Variants in GAB1 observed in about 807,000 individuals in gnomAD.
GAB1 encodes GRB2-associated-binding protein 1.
Under a neutral mutation model 66.5 loss-of-function variants are expected in GAB1, and 19 were observed. That is an observed-to-expected ratio of 0.29 (90% CI 0.20 to 0.42). The LOEUF is 0.42. Ranked by LOEUF, GAB1 falls within the 10% of genes least tolerant of loss-of-function variation. GAB1 has a pLI of 1.00. For missense variants in GAB1, 732 were observed against 858.5 expected, an observed-to-expected ratio of 0.85 and a Z score of 1.84; for synonymous variants, 294 against 301.4, an observed-to-expected ratio of 0.98 and a Z score of 0.25.
At chr4:143,448,902 T>C (rs1221037271) in intron 6 of GAB1, among the ~76,000 whole-genome samples, 1 of 151,834 alleles carries the variant, frequency 6.6e-6, no homozygotes, top group African/African-American at 2.4e-5. Flanking sequence ...TTTTGGATCT[T>C]TCCTGCTTTC....
chr4:143,421,846 A>AT, intron 2 of GAB1, among the ~76,000 whole-genome samples: 1 of 152,052 alleles, frequency 6.6e-6, no homozygotes, highest in Admixed American at 6.5e-5. Context: ...GAATTATGGC[A>AT]TTTGTCAGCA....
chr4:143,367,753 C>T (rs1729950677), intron 1 of GAB1, among the ~76,000 whole-genome samples: 1 of 113,796 alleles, frequency 8.8e-6, no homozygotes, highest in Non-Finnish European at 1.7e-5. Flanking sequence ...GAGACAGAGT[C>T]TTGCTGTGTT....
chr4:143,373,868 A>AT lies in GAB1; in HGVS notation c.72+36608_72+36609insT, dbSNP rs1560725949. Among the ~76,000 whole-genome samples the AT allele has an allele frequency of 5.3e-3, 495 of 93,678 alleles. 54 individuals are homozygous for AT. The highest frequency in any genetic ancestry group is 7.5e-3 in the Non-Finnish European group (356 of 47,302). The allele number at this position is 93,678 out of a possible 152,430, so 61.5% of individuals were successfully genotyped here. A position where few individuals can be genotyped will look rare whatever the true frequency, so the allele number is the denominator to read the frequency against. On this transcript the variant is annotated intron_variant, in intron 1 of 9. Coordinates refer to ENST00000262994, the MANE Select transcript of GAB1 (RefSeq NM_002039.4). The stretch of plus-strand genomic sequence containing the variant: ...CTCTCTCTCTCTCTGTAAATAAATA[A>AT]ATATATATATATATATATTTTTACC...
intron 8 of GAB1, among the ~76,000 whole-genome samples, chr4:143,461,710 C>T (rs755174463): frequency 5.3e-5 from 8 of 152,062 alleles, no homozygotes; most frequent in Non-Finnish European, 1.2e-4. Context: ...ACAATCAGAC[C>T]ATATCTTCCA....
At chr4:143,352,312 C>T (rs1354231376) in intron 1 of GAB1, among the ~76,000 whole-genome samples, 5 of 152,236 alleles carry the variant, frequency 3.3e-5, no homozygotes. Context: ...GCAGCAGCCA[C>T]AGAGCAGGGC....
chr4:143,354,472 G>A (rs1729361097), intron 1 of GAB1, among the ~76,000 whole-genome samples: 1 of 151,764 alleles, frequency 6.6e-6, no homozygotes, highest in Non-Finnish European at 1.5e-5. Context: ...ATTTTCAGTG[G>A]GGGTATTTTA....
At chr4:143,378,074 A>G (rs761886557) in intron 1 of GAB1, among the ~76,000 whole-genome samples, 1 of 152,264 alleles carries the variant, frequency 6.6e-6, no homozygotes, top group Non-Finnish European at 1.5e-5. Context: ...GCAATGATGT[A>G]TAGCGTATAA....
intron 1 of GAB1, among the ~76,000 whole-genome samples, chr4:143,388,707 G>T (rs912585989): frequency 2.6e-5 from 4 of 152,062 alleles, no homozygotes; most frequent in African/African-American, 7.2e-5. Context: ...GAGTCACTGC[G>T]CCCGGCCTAG....
At chr4:143,407,229 A>G (rs1030121623) in intron 1 of GAB1, among the ~76,000 whole-genome samples, 4 of 150,944 alleles carry the variant, frequency 2.6e-5, no homozygotes, top group Non-Finnish European at 5.9e-5. Context: ...AGAACCACCT[A>G]TGTATATTAA....
chr4:143,403,281 C>T (rs1731867658), intron 1 of GAB1, among the ~76,000 whole-genome samples: 1 of 152,138 alleles, frequency 6.6e-6, no homozygotes, highest in Admixed American at 6.6e-5. Context: ...CAACACTTCT[C>T]TCCTTGTCCT....
intron 1 of GAB1, among the ~76,000 whole-genome samples, chr4:143,390,028 G>C (rs559311418): frequency 6.6e-6 from 1 of 152,110 alleles, no homozygotes; most frequent in Non-Finnish European, 1.5e-5. Flanking sequence ...TGTTTCACAG[G>C]CTCTTTCATA....
chr4:143,441,524 T>C (rs147100727), intron 6 of GAB1, among the ~76,000 whole-genome samples: 16 of 152,242 alleles, frequency 1.1e-4, no homozygotes, highest in African/African-American at 3.1e-4. Context: ...TTTGGTTTTG[T>C]TTGTAAGTAA....
At chr4:143,338,359 C>T (rs1302651065) in intron 1 of GAB1, among the ~76,000 whole-genome samples, 1 of 151,760 alleles carries the variant, frequency 6.6e-6, no homozygotes, top group East Asian at 1.9e-4. Flanking sequence ...GAAGGGAACC[C>T]GTTTGTCGTT....
chr4:143,349,125 T>G, intron 1 of GAB1: 1 of 398,032 alleles, frequency 2.5e-6, no homozygotes, highest in Non-Finnish European at 4.5e-6. Context: ...ATGTTGTGAC[T>G]TTTGTGAGCC....
chr4:143,433,827 AC>A, intron 3 of GAB1, 111 bp downstream of exon 3: 1 of 846,962 alleles, frequency 1.2e-6, no homozygotes, highest in South Asian at 1.6e-5. Flanking sequence ...CTTGAAAGAG[AC>A]CATCTGTATA....
At chr4:143,361,599 T>C (rs941911666) in intron 1 of GAB1, among the ~76,000 whole-genome samples, 1 of 152,236 alleles carries the variant, frequency 6.6e-6, no homozygotes. Context: ...CCAGGATCAA[T>C]GATGCTGAAC....
chr4:143,408,177 T>A (rs778999907), intron 1 of GAB1, among the ~76,000 whole-genome samples: 3 of 152,230 alleles, frequency 2.0e-5, no homozygotes, highest in Non-Finnish European at 4.4e-5. Flanking sequence ...AAAGAAAGGT[T>A]AAATATCCAT....
chr4:143,441,871 CCTTA>C (rs1485158198), intron 6 of GAB1, among the ~76,000 whole-genome samples: 1 of 152,114 alleles, frequency 6.6e-6, no homozygotes, highest in African/African-American at 2.4e-5. Context: ...CTTCTCATTG[CCTTA>C]CTTATTATTT....
At chr4:143,442,645 A>G (rs371388878) in intron 6 of GAB1, among the ~76,000 whole-genome samples, 1 of 152,150 alleles carries the variant, frequency 6.6e-6, no homozygotes, top group African/African-American at 2.4e-5. Flanking sequence ...TGTATACTAC[A>G]TATTTTATAA....
Sources: gnomAD v4.1 joint callset for allele counts (sites outside exome capture counted in the v4.1 genomes callset) on GRCh38, gnomAD v4.1.1 for gene constraint, MANE v1.5 for transcripts, NCBI Gene and HGNC (gene_info 2026-07-23, HGNC 2026-07-21) for gene names.